IPO5: variants seen among roughly 807,000 people sequenced by gnomAD.
IPO5 encodes the protein importin-5.
A neutral mutation model predicts 143.3 loss-of-function variants in IPO5; 18 were observed. That is an observed-to-expected ratio of 0.13 (90% confidence interval 0.09 to 0.19). IPO5 has a LOEUF of 0.19. Ranked by LOEUF, IPO5 falls within the 10% of genes least tolerant of loss-of-function variation. The pLI is 1.00. For synonymous variants in IPO5, 477 were observed against 465.7 expected (o/e 1.02, Z -0.31); for missense variants, 1,013 against 1,336.9 (o/e 0.76, Z 3.78).
intron 6 of IPO5, among the ~76,000 whole-genome samples, chr13:97,986,010 A>G (rs867081862): frequency 4.3e-4 from 65 of 152,118 alleles, no homozygotes; most frequent in African/African-American, 1.5e-3. Context: ...GTTACTTGGG[A>G]GGCTGAAATG....
At chr13:97,980,679 T>C (rs1209735264) in intron 4 of IPO5, among the ~76,000 whole-genome samples, 6 of 151,858 alleles carry the variant, frequency 4.0e-5, no homozygotes, top group Admixed American at 2.0e-4. Context: ...AATAAAAAAT[T>C]AGCCGGGCGC....
At chr13:97,953,755 T>C (rs1301788518) in intron 1 of IPO5, 39 bp downstream of exon 1, 1 of 325,550 alleles carries the variant, frequency 3.1e-6, no homozygotes, top group African/African-American at 2.2e-5. Context: ...ATGAAACCAT[T>C]TAAGAATTTC....
At chr13:98,010,586 A>G (rs1889614151) in intron 20 of IPO5, among the ~76,000 whole-genome samples, 1 of 152,124 alleles carries the variant, frequency 6.6e-6, no homozygotes, top group Non-Finnish European at 1.5e-5. Flanking sequence ...ACAAATGAAC[A>G]GAAGTGTGTT....
intron 2 of IPO5, among the ~76,000 whole-genome samples, chr13:97,962,449 C>A (rs921381654): frequency 2.0e-5 from 3 of 152,082 alleles, no homozygotes; most frequent in Admixed American, 6.6e-5. Context: ...TCAAGTTGTA[C>A]CGGCAACAAT....
At chr13:97,986,233 G>A (rs953388601) in intron 6 of IPO5, among the ~76,000 whole-genome samples, 2 of 152,154 alleles carry the variant, frequency 1.3e-5, no homozygotes, top group African/African-American at 4.8e-5. Context: ...TTAATGGTAT[G>A]ACCTACTTTG....
chr13:98,014,091 A>G lies in IPO5; in HGVS notation c.2202A>G (p.Ala734=), dbSNP rs1394009100. The G allele has an allele frequency of 9.3e-6, 15 of 1,614,060 alleles. No homozygotes were observed. Among genetic ancestry groups the G allele is most frequent in the South Asian group, 5.5e-5 (5 of 91,058 alleles). ...AESMPLLLEC[A]RVRGPEYLTQ... ...CCATGCCTCTTCTCCTGGAGTGTGCAAGAGTCCGTGGTCCTGAGTATCTCA... is the reference window on the plus strand; with the variant it reads ...CCATGCCTCTTCTCCTGGAGTGTGCGAGAGTCCGTGGTCCTGAGTATCTCA... The change falls in exon 22 of 29, where the codon GCA becomes GCG. Residue 734 remains alanine (A), a synonymous_variant. Coordinates refer to ENST00000651721, the MANE Select transcript of IPO5 (RefSeq NM_002271.6).
At chr13:97,982,424 C>G in intron 4 of IPO5, 79 bp from the exon 5 acceptor site, 1 of 905,774 alleles carries the variant, frequency 1.1e-6, no homozygotes, top group Non-Finnish European at 1.8e-6. Context: ...TGCATCCTTC[C>G]CACTGTTTAT....
chr13:98,019,386 AG>A (rs1890332096), intron 26 of IPO5, among the ~76,000 whole-genome samples, 194 bp from the exon 27 acceptor site: 1 of 152,238 alleles, frequency 6.6e-6, no homozygotes, highest in African/African-American at 2.4e-5. Flanking sequence ...GTAGAGGGCT[AG>A]TGCTCCTGTC....
chr13:98,021,748 C>A lies in IPO5; in HGVS notation c.3220C>A (p.Leu1074Met). The A allele has an allele frequency of 1.3e-6, 2 of 1,567,070 alleles. No homozygotes were observed. Among genetic ancestry groups the A allele is most frequent in the South Asian group, 1.2e-5 (1 of 85,956 alleles). Residue 1074 changes from leucine (L) to methionine (M), a missense_variant, in exon 29 of 29, where the codon CTG becomes ATG. Around this residue, in one of 2 missense-constraint regions of IPO5, gnomAD observed 685 missense variants for 994.9 expected, o/e 0.69. Transcript: ENST00000651721. ...VVRQVQTSGG[L>M]WTECIAQLSP... The stretch of plus-strand genomic sequence containing the variant: ...TTTCTTTCCCTAGACTTCTGGAGGA[C>A]TGTGGACTGAGTGCATAGCACAGCT...
intron 20 of IPO5, 23 bp downstream of exon 20, chr13:98,010,247 A>G (rs754047590): frequency 6.2e-7 from 1 of 1,604,516 alleles, no homozygotes; most frequent in Non-Finnish European, 8.5e-7. Flanking sequence ...TGTTTTTACT[A>G]AACTTTTATT....
intron 6 of IPO5, among the ~76,000 whole-genome samples, chr13:97,988,368 C>T (rs1887547722): frequency 6.6e-6 from 1 of 152,160 alleles, no homozygotes; most frequent in Admixed American, 6.6e-5. Flanking sequence ...AAGACCTTGC[C>T]ACCAAATACT....
At chr13:97,989,735 A>G (rs867423804) in intron 7 of IPO5, among the ~76,000 whole-genome samples, 5 of 152,194 alleles carry the variant, frequency 3.3e-5, no homozygotes, top group South Asian at 2.1e-4. Flanking sequence ...GTTGTCATAT[A>G]TATCTTTGTT....
chr13:97,991,847 A>G (rs931793397), intron 9 of IPO5, among the ~76,000 whole-genome samples: 7 of 152,374 alleles, frequency 4.6e-5, no homozygotes, highest in Non-Finnish European at 7.3e-5. Flanking sequence ...GGGATTTGTA[A>G]TAATGTGAAA....
At chr13:97,977,276 C>T (rs1021944475) in intron 4 of IPO5, among the ~76,000 whole-genome samples, 5 of 152,192 alleles carry the variant, frequency 3.3e-5, no homozygotes, top group African/African-American at 9.7e-5. Context: ...ACCGTCTGTC[C>T]CTCTCTTTTT....
intron 2 of IPO5, among the ~76,000 whole-genome samples, chr13:97,969,176 T>TATATATATATATATA (rs1491240999): frequency 1.6e-4 from 5 of 31,664 alleles, no homozygotes; most frequent in Non-Finnish European, 2.5e-4. Context: ...TATATATATA[T>TATATATATATATATA]TTTTTTTTTT....
chr13:98,001,411 C>T (rs1888761831), intron 13 of IPO5, among the ~76,000 whole-genome samples: 1 of 152,156 alleles, frequency 6.6e-6, no homozygotes, highest in Non-Finnish European at 1.5e-5. Flanking sequence ...CCGCAGCCTC[C>T]ACCCACTGGA....
Position 98,019,670 on chromosome 13 carries a change from G to A in IPO5, c.2926G>A (p.Val976Ile). Reference protein sequence around the residue: ...VNATENCISAVGKIMKFKPDC... With the variant: ...VNATENCISAIGKIMKFKPDC... ...TGCTACAGAGAACTGCATCTCAGCA[G>A]TAGGGAAAATCATGAAGTTCAAGCC... The change falls in exon 27 of 29, where the codon GTA becomes ATA. Residue 976 changes from valine (V) to isoleucine (I), a missense_variant. Coordinates refer to ENST00000651721, the MANE Select transcript of IPO5 (RefSeq NM_002271.6). 1 of 1,614,098 alleles carries A rather than the reference G, an allele frequency of 6.2e-7. No homozygotes were observed. The highest frequency in any genetic ancestry group is 8.5e-7 in the Non-Finnish European group (1 of 1,179,918).
At chr13:97,960,169 G>A (rs149457646) in intron 2 of IPO5, 12 of 152,290 alleles carry the variant, frequency 7.9e-5, no homozygotes, top group East Asian at 7.7e-4. Flanking sequence ...GATGCAGATC[G>A]ATGTCACAAT....
chr13:97,967,788 C>T (rs1317940191), intron 2 of IPO5, among the ~76,000 whole-genome samples: 3 of 152,018 alleles, frequency 2.0e-5, no homozygotes, highest in East Asian at 1.9e-4. Flanking sequence ...CCCACCACCA[C>T]GCCCGGCTAA....
Sources: gnomAD v4.1 joint callset for allele counts (sites outside exome capture counted in the v4.1 genomes callset) on GRCh38, gnomAD v4.1.1 for gene constraint, gnomAD v4.1.1 regional missense constraint, MANE v1.5 for transcripts, NCBI Gene and HGNC (gene_info 2026-07-23, HGNC 2026-07-21) for gene names.